Variants in WDR64 observed in about 807,000 individuals in gnomAD.
WDR64 encodes the protein WD repeat-containing protein 64.
In WDR64, 112 loss-of-function variants were observed where a neutral mutation model predicts 139.3. The ratio of observed to expected loss-of-function variants is 0.80; its 90% CI spans 0.69 to 0.94. The LOEUF is 0.94. Ranked by LOEUF, WDR64 falls within the 40% of genes least tolerant of loss-of-function variation. WDR64 has a pLI of 0.00. For synonymous variants in WDR64, 444 were observed against 437.7 expected, an observed-to-expected ratio of 1.01 and a Z score of -0.18; for missense variants, 1,206 against 1,293.1, an observed-to-expected ratio of 0.93 and a Z score of 1.03.
intron 14 of WDR64, among the ~76,000 whole-genome samples, chr1:241,752,248 T>C (rs1031611915): frequency 1.3e-5 from 2 of 152,164 alleles, no homozygotes; most frequent in Admixed American, 1.3e-4. Flanking sequence ...ACATAAAAGA[T>C]TTCACCAATT....
intron 12 of WDR64, 148 bp from the exon 13 acceptor site, chr1:241,744,245 T>G (rs896848429): frequency 9.2e-6 from 9 of 981,854 alleles, no homozygotes; most frequent in Non-Finnish European, 1.3e-5. Flanking sequence ...CTTTCTTTGA[T>G]AAAACCAACA....
At chr1:241,795,315 G>C in intron 26 of WDR64, 28 bp downstream of exon 26, 5 of 1,593,510 alleles carry the variant, frequency 3.1e-6, no homozygotes, top group Non-Finnish European at 2.6e-6. Flanking sequence ...GGAGTAGAGG[G>C]GTCACAGAAC....
intron 21 of WDR64, among the ~76,000 whole-genome samples, chr1:241,777,717 C>T (rs1658710376): frequency 6.6e-6 from 1 of 152,156 alleles, no homozygotes; most frequent in Non-Finnish European, 1.5e-5. Context: ...CATGCTTGGC[C>T]TCACCTTTAT....
chr1:241,696,113 CAAAAAAAA>C (rs541301982), intron 8 of WDR64, among the ~76,000 whole-genome samples: 30 of 22,322 alleles, frequency 1.3e-3, no homozygotes, highest in African/African-American at 2.1e-3. Flanking sequence ...GACCCAGTAT[CAAAAAAAA>C]AAAAAAAAAA....
chr1:241,713,143 C>T (rs1262561200), intron 9 of WDR64, among the ~76,000 whole-genome samples: 1 of 137,048 alleles, frequency 7.3e-6, no homozygotes, highest in African/African-American at 2.6e-5. Flanking sequence ...CTTGTCTCTA[C>T]AAAAAAAAAA....
chr1:241,781,503 A>G (rs1398021852), intron 22 of WDR64, among the ~76,000 whole-genome samples: 1 of 152,234 alleles, frequency 6.6e-6, no homozygotes, highest in Non-Finnish European at 1.5e-5. Flanking sequence ...TGCAATGAAT[A>G]CCTAATAGGT....
intron 21 of WDR64, among the ~76,000 whole-genome samples, chr1:241,779,149 G>A (rs1019838452): frequency 6.6e-6 from 1 of 151,958 alleles, no homozygotes; most frequent in Non-Finnish European, 1.5e-5. Context: ...AGAATTCTAG[G>A]TTGGTCGGTT....
chr1:241,723,532 G>A, intron 10 of WDR64, 96 bp downstream of exon 10: 1 of 1,325,264 alleles, frequency 7.5e-7, no homozygotes, highest in Non-Finnish European at 1.0e-6. Context: ...TGAAATAAAT[G>A]ATAGTCATTG....
At chr1:241,788,162 T>C (rs12060174) in intron 24 of WDR64, 128 bp downstream of exon 24, 101,079 of 742,560 alleles carry the variant, frequency 0.14, 8,439 homozygotes, top group African/African-American at 0.25. Flanking sequence ...TGTAATCCAG[T>C]GGAAGGGAAA....
chr1:241,792,700 C>T (rs1020605727), intron 25 of WDR64, among the ~76,000 whole-genome samples: 4 of 152,096 alleles, frequency 2.6e-5, no homozygotes, highest in African/African-American at 9.7e-5. Context: ...CATAGGAGCC[C>T]TTCCTCCACA....
intron 10 of WDR64, among the ~76,000 whole-genome samples, chr1:241,733,047 C>G (rs1404786644): frequency 1.3e-5 from 2 of 152,088 alleles, no homozygotes; most frequent in East Asian, 1.9e-4. Flanking sequence ...TTTCTCTTGT[C>G]CTTTTCTTTG....
At chr1:241,765,764 T>C (rs531768344) in intron 15 of WDR64, among the ~76,000 whole-genome samples, 2 of 152,312 alleles carry the variant, frequency 1.3e-5, no homozygotes, top group Admixed American at 6.5e-5. Context: ...ATATCTAACA[T>C]AGTAGATATC....
intron 1 of WDR64, among the ~76,000 whole-genome samples, chr1:241,657,176 T>G (rs1480903120): frequency 6.6e-6 from 1 of 152,056 alleles, no homozygotes; most frequent in East Asian, 1.9e-4. Context: ...AAAAGAGGCA[T>G]AAACGAGACT....
chr1:241,758,069 T>C (rs1670275122), intron 15 of WDR64, among the ~76,000 whole-genome samples: 1 of 152,122 alleles, frequency 6.6e-6, no homozygotes, highest in South Asian at 2.1e-4. Flanking sequence ...AATATCTTTT[T>C]TTTCTCTCCT....
intron 15 of WDR64, among the ~76,000 whole-genome samples, chr1:241,764,242 C>A (rs770793989): frequency 6.6e-6 from 1 of 152,164 alleles, no homozygotes; most frequent in African/African-American, 2.4e-5. Context: ...AGAAATGACA[C>A]GATCAGATTT....
chr1:241,766,570 G>A (rs930388738), intron 16 of WDR64, among the ~76,000 whole-genome samples: 2 of 152,150 alleles, frequency 1.3e-5, no homozygotes, highest in Non-Finnish European at 2.9e-5. Flanking sequence ...GCGCAGTGGC[G>A]CCTGCCTGTA....
intron 11 of WDR64, 103 bp from the exon 12 acceptor site, chr1:241,741,413 T>A (rs995281801): frequency 9.8e-6 from 9 of 916,830 alleles, no homozygotes; most frequent in Non-Finnish European, 6.3e-6. Context: ...ATATTGCTAA[T>A]CTCACTGTTT....
intron 24 of WDR64, among the ~76,000 whole-genome samples, chr1:241,788,902 T>C (rs1430327852): frequency 6.6e-6 from 1 of 152,164 alleles, no homozygotes; most frequent in Non-Finnish European, 1.5e-5. Flanking sequence ...AAGCAAAGTT[T>C]CTCAGTTTTA....
At chr1:241,778,955 T>A (rs1658754611) in intron 21 of WDR64, among the ~76,000 whole-genome samples, 1 of 152,160 alleles carries the variant, frequency 6.6e-6, no homozygotes, top group Non-Finnish European at 1.5e-5. Context: ...TGCTTATTCC[T>A]TGTCTTCTTA....
Sources: allele counts gnomAD v4.1 joint callset (sites outside exome capture counted in the v4.1 genomes callset), GRCh38; gene constraint gnomAD v4.1.1; transcripts MANE v1.5; gene names NCBI Gene and HGNC (gene_info 2026-07-23, HGNC 2026-07-21).